The following COX10 variants were observed in gnomAD, a reference collection of about 807,000 sequenced individuals.
COX10 encodes the protein cytochrome c oxidase assembly factor heme A:farnesyltransferase COX10.
A neutral mutation model predicts 37.3 loss-of-function variants in COX10; 27 were observed. The observed-to-expected ratio is 0.72, with a 90% confidence interval of 0.53 to 1.00. COX10 has a LOEUF of 1.00. Ranked by LOEUF, COX10 falls within the 50% of genes least tolerant of loss-of-function variation. COX10 has a pLI of 0.00. For synonymous variants in COX10, 222 were observed against 229.1 expected (o/e 0.97, Z 0.28); for missense variants, 475 against 563.2 (o/e 0.84, Z 1.59).
At chr17:14,096,726 G>C (rs1452498023) in intron 3 of COX10, among the ~76,000 whole-genome samples, 1 of 152,068 alleles carries the variant, frequency 6.6e-6, no homozygotes, top group African/African-American at 2.4e-5. Flanking sequence ...AACATAGTGG[G>C]AACTTATTCC....
chr17:14,072,341 C>A (rs1915044425), intron 1 of COX10, among the ~76,000 whole-genome samples: 6 of 152,158 alleles, frequency 3.9e-5, no homozygotes. Flanking sequence ...CTGCCTCAGC[C>A]TCCTGAGTAG....
At chr17:14,077,099 C>A (rs1286778097) in intron 3 of COX10, 43 bp downstream of exon 3, 12 of 1,586,422 alleles carry the variant, frequency 7.6e-6, no homozygotes, top group Non-Finnish European at 9.5e-6. Context: ...GAAACTCTAT[C>A]TTTAGTGAAA....
chr17:14,109,763 C>T (rs946107410), intron 4 of COX10, among the ~76,000 whole-genome samples: 7 of 152,096 alleles, frequency 4.6e-5, no homozygotes, highest in Non-Finnish European at 8.8e-5. Context: ...ATCCTTGCCA[C>T]GGTGTAGTAG....
intron 3 of COX10, among the ~76,000 whole-genome samples, chr17:14,096,234 AG>A (rs372265795): frequency 6.6e-6 from 1 of 152,268 alleles, no homozygotes; most frequent in East Asian, 1.9e-4. Flanking sequence ...CACCTCTTAT[AG>A]GCCCAACTTC....
At chr17:14,138,020 T>C (rs1405320393) in intron 4 of COX10, among the ~76,000 whole-genome samples, 2 of 150,920 alleles carry the variant, frequency 1.3e-5, no homozygotes, top group African/African-American at 4.9e-5. Context: ...ATCAACCAAA[T>C]TTCTTACTCT....
chr17:14,153,747 G>A (rs1052562162), intron 4 of COX10, among the ~76,000 whole-genome samples: 1 of 152,214 alleles, frequency 6.6e-6, no homozygotes, highest in Non-Finnish European at 1.5e-5. Flanking sequence ...TGTGTGTTTA[G>A]CTTTGAGAGT....
intron 4 of COX10, among the ~76,000 whole-genome samples, chr17:14,107,575 A>T (rs1915922345): frequency 6.7e-6 from 1 of 148,762 alleles, no homozygotes; most frequent in Admixed American, 6.7e-5. Flanking sequence ...ACAAGTAGAG[A>T]TTTCCTGACC....
chr17:14,100,912 G>C (rs182624192), intron 3 of COX10, among the ~76,000 whole-genome samples: 67 of 152,170 alleles, frequency 4.4e-4, no homozygotes, highest in African/African-American at 1.5e-3. Flanking sequence ...TTTGTTGTTG[G>C]GGGGTGTCCT....
At chr17:14,117,139 T>C (rs1916132274) in intron 4 of COX10, among the ~76,000 whole-genome samples, 2 of 152,246 alleles carry the variant, frequency 1.3e-5, no homozygotes, top group Non-Finnish European at 2.9e-5. Context: ...AGCATGAAGA[T>C]ATTTTATTTT....
chr17:14,158,251 G>A (rs1017248712), intron 4 of COX10, among the ~76,000 whole-genome samples: 1 of 151,774 alleles, frequency 6.6e-6, no homozygotes, highest in African/African-American at 2.4e-5. Flanking sequence ...AAAATTAAAA[G>A]TAGGTAGTTT....
chr17:14,136,065 A>G (rs1904356415), intron 4 of COX10, among the ~76,000 whole-genome samples: 1 of 152,014 alleles, frequency 6.6e-6, no homozygotes, highest in Non-Finnish European at 1.5e-5. Context: ...AAAACAAAGA[A>G]AATGTAAAGG....
intron 3 of COX10, among the ~76,000 whole-genome samples, chr17:14,078,069 G>A (rs904898943): frequency 1.6e-4 from 24 of 152,154 alleles, no homozygotes; most frequent in African/African-American, 5.8e-4. Context: ...GGGCTTTGGT[G>A]AAGGAGCTAA....
chr17:14,172,744 AT>A (rs983682929), intron 5 of COX10, among the ~76,000 whole-genome samples: 48 of 150,138 alleles, frequency 3.2e-4, no homozygotes, highest in Non-Finnish European at 5.6e-4. Context: ...GGCCTAGGTA[AT>A]TTTTTTTTAC....
chr17:14,074,528 C>A, intron 2 of COX10, 72 bp downstream of exon 2: 1 of 1,402,014 alleles, frequency 7.1e-7, no homozygotes, highest in Non-Finnish European at 1.0e-6. Flanking sequence ...TCAGAAATTC[C>A]TATTTAATTA....
intron 4 of COX10, among the ~76,000 whole-genome samples, chr17:14,152,539 A>G (rs1276367761): frequency 2.6e-5 from 4 of 152,294 alleles, no homozygotes; most frequent in Middle Eastern, 3.4e-3. Context: ...TATCAGGCTG[A>G]TGTAGGGGTT....
intron 4 of COX10, among the ~76,000 whole-genome samples, chr17:14,157,762 G>A (rs1463378254): frequency 6.6e-6 from 1 of 152,114 alleles, no homozygotes; most frequent in Non-Finnish European, 1.5e-5. Flanking sequence ...CTCTGACTAC[G>A]GCCACACTCT....
intron 4 of COX10, among the ~76,000 whole-genome samples, chr17:14,143,615 T>C (rs1381133666): frequency 6.6e-6 from 1 of 152,140 alleles, no homozygotes; most frequent in African/African-American, 2.4e-5. Flanking sequence ...AAATCACTTC[T>C]CTTGTCATTT....
At chr17:14,138,583 G>C (rs559994535) in intron 4 of COX10, among the ~76,000 whole-genome samples, 1 of 152,070 alleles carries the variant, frequency 6.6e-6, no homozygotes, top group Non-Finnish European at 1.5e-5. Context: ...AGTAAACATA[G>C]ATTTCTGTGA....
intron 3 of COX10, among the ~76,000 whole-genome samples, chr17:14,096,484 C>G (rs1915658086): frequency 1.3e-5 from 2 of 151,194 alleles, no homozygotes; most frequent in African/African-American, 2.4e-5. Context: ...AAGTCATCCT[C>G]CCACCTCAGT....
Sources: allele counts gnomAD v4.1 joint callset (sites outside exome capture counted in the v4.1 genomes callset), GRCh38; gene constraint gnomAD v4.1.1; transcripts MANE v1.5; gene names NCBI Gene and HGNC (gene_info 2026-07-23, HGNC 2026-07-21).